The following MVB12B variants were observed in gnomAD, a reference collection of about 807,000 sequenced individuals.
MVB12B encodes multivesicular body subunit 12B, also known as ESCRT-I complex subunit MVB12B.
In MVB12B, 16 loss-of-function variants were observed where a neutral mutation model predicts 41.6. That is an observed-to-expected ratio of 0.38 (90% CI 0.26 to 0.58). MVB12B has a LOEUF of 0.58. Among genes scored for constraint, MVB12B ranks in the 20% least tolerant of loss-of-function variants. The pLI, the probability that MVB12B is intolerant of heterozygous loss-of-function variation, is 0.62. For synonymous variants in MVB12B, 133 were observed against 139.7 expected, an observed-to-expected ratio of 0.95 and a Z score of 0.34; for missense variants, 274 against 380.2, an observed-to-expected ratio of 0.72 and a Z score of 2.32.
intron 6 of MVB12B, among the ~76,000 whole-genome samples, chr9:126,417,431 T>C (rs988084215): frequency 6.6e-6 from 1 of 152,176 alleles, no homozygotes; most frequent in Non-Finnish European, 1.5e-5. Flanking sequence ...GCTGCTGATT[T>C]CTTCTTACCC....
chr9:126,454,708 C>G (rs888837146), intron 7 of MVB12B, among the ~76,000 whole-genome samples: 15 of 152,122 alleles, frequency 9.9e-5, no homozygotes, highest in Admixed American at 1.3e-4. Context: ...TTTCATTTTA[C>G]TTTTGTTAAG....
At chr9:126,356,661 C>T (rs996600861) in intron 2 of MVB12B, among the ~76,000 whole-genome samples, 1 of 151,966 alleles carries the variant, frequency 6.6e-6, no homozygotes, top group African/African-American at 2.4e-5. Context: ...AATGTAATCC[C>T]CCGTGGTAGA....
At chr9:126,435,683 T>C (rs539450111) in intron 7 of MVB12B, among the ~76,000 whole-genome samples, 2 of 151,554 alleles carry the variant, frequency 1.3e-5, no homozygotes, top group Non-Finnish European at 2.9e-5. Context: ...AAAGTTTCTT[T>C]CCTTGCTCCA....
intron 5 of MVB12B, among the ~76,000 whole-genome samples, chr9:126,394,658 G>A (rs1173011198): frequency 6.6e-6 from 1 of 152,178 alleles, no homozygotes; most frequent in East Asian, 1.9e-4. Flanking sequence ...GCAGCTGGAG[G>A]CCACGGCCCA....
intron 7 of MVB12B, among the ~76,000 whole-genome samples, chr9:126,424,541 A>G (rs1588162018): frequency 6.6e-6 from 1 of 151,890 alleles, no homozygotes; most frequent in African/African-American, 2.4e-5. Flanking sequence ...TGGGACCACC[A>G]CCTCCTACCA....
chr9:126,391,580 C>T lies in MVB12B; in HGVS notation c.410-486C>T, dbSNP rs537927219. ...GATTCATTTTAAATATCCAGCAAAACTGCAGGGGTGGGAGGAGAGGAAACC... is the reference window on the plus strand; with the variant it reads ...GATTCATTTTAAATATCCAGCAAAATTGCAGGGGTGGGAGGAGAGGAAACC... On this transcript the variant is annotated intron_variant, in intron 4 of 9. Transcript: ENST00000361171. The surrounding 1 kb of genome is among the most constrained non-coding windows in gnomAD (Gnocchi z 4.4). 2.0e-5 allele frequency among the ~76,000 whole-genome samples: 3 copies of T among 152,294 alleles called. No individual in the cohort carries two copies. Among genetic ancestry groups the T allele is most frequent in the Admixed American group, 1.3e-4 (2 of 15,298 alleles).
At position 126,403,950 on chromosome 9, in the gene MVB12B, C is replaced by CTTTTTT. The variant is rs36030597; in HGVS notation, c.662+8271_662+8276dup. 3.0e-4 allele frequency among the ~76,000 whole-genome samples: 31 copies of CTTTTTT among 104,750 alleles called. 1 individual carries two copies. The highest frequency in any genetic ancestry group is 7.0e-4 in the East Asian group (2 of 2,850). The allele number at this position is 104,750 out of a possible 152,430, so 68.7% of individuals were successfully genotyped here. A position where few individuals can be genotyped will look rare whatever the true frequency, so the allele number is the denominator to read the frequency against. Reference sequence around the variant, plus strand: ...GGCTTTACAAATAACTCCTTTAAATCTTTTTTTTTTTTTTTTTTTTTTTGA... The same window carrying CTTTTTT: ...GGCTTTACAAATAACTCCTTTAAATCTTTTTTTTTTTTTTTTTTTTTTTTTTTTTGA... On this transcript the variant is annotated intron_variant, in intron 6 of 9. Transcript: ENST00000361171.
At position 126,395,639 on chromosome 9, in the gene MVB12B, C is replaced by A; in HGVS notation, c.604C>A (p.Gln202Lys). ...AGTACCAAGAAATCATGACTCATCT[C>A]AACCCACAACGCCTTCCCAGTCATC... ...GRVPRNHDSS[Q>K]PTTPSQSSAA... Residue 202 changes from glutamine (Q) to lysine (K), a missense_variant, in exon 6 of 10, where the codon CAA becomes AAA. By Grantham distance (53) the Gln-to-Lys change is moderately conservative. Transcript: ENST00000361171. This position sits in a 1 kb window ranked among gnomAD's most constrained non-coding sequence, Gnocchi z 4.9. 6.2e-7 allele frequency: 1 copy of A among 1,614,156 alleles called. No individual in the cohort carries two copies. The highest frequency in any genetic ancestry group is 8.5e-7 in the Non-Finnish European group (1 of 1,180,036).
rs1248908297 is a variant in MVB12B at position 126,386,396 on chromosome 9, C to T, written c.313-166C>T. 6.6e-6 allele frequency among the ~76,000 whole-genome samples: 1 copy of T among 152,170 alleles called. No homozygotes were observed. Among genetic ancestry groups the T allele is most frequent in the Non-Finnish European group, 1.5e-5 (1 of 68,034 alleles). ...ACTCCTTCCCAGGGGCCACACGAGT[C>T]CCTGCATAACCACTGGGGACCATTA... On this transcript the variant is annotated intron_variant, in intron 3 of 9. Coordinates refer to ENST00000361171, the MANE Select transcript of MVB12B (RefSeq NM_033446.3). The surrounding 1 kb of genome is among the most constrained non-coding windows in gnomAD (Gnocchi z 4.3).
chr9:126,404,246 C>T (rs573726568), intron 6 of MVB12B, among the ~76,000 whole-genome samples: 3 of 152,296 alleles, frequency 2.0e-5, no homozygotes, highest in Admixed American at 1.3e-4. Flanking sequence ...TGAGCCACCA[C>T]ACCCGGCCAA....
At chr9:126,360,049 TA>T (rs1261900614) in intron 2 of MVB12B, among the ~76,000 whole-genome samples, 2 of 152,206 alleles carry the variant, frequency 1.3e-5, no homozygotes, top group Non-Finnish European at 2.9e-5. Flanking sequence ...TTTTCTAACA[TA>T]AGCATTTAAT....
At position 126,499,577 on chromosome 9, in the gene MVB12B, C is replaced by T. The variant is rs1833908033; in HGVS notation, c.874-3600C>T. 2.6e-5 allele frequency among the ~76,000 whole-genome samples: 4 copies of T among 152,160 alleles called. 1 individual carries two copies. In the South Asian group the frequency reaches 8.3e-4, roughly 31 times the overall value. On this transcript the variant is annotated intron_variant, in intron 9 of 9. Coordinates refer to ENST00000361171, the MANE Select transcript of MVB12B (RefSeq NM_033446.3). The stretch of plus-strand genomic sequence containing the variant: ...TTGCCCAAGGGAGTGAAAGGGCTTC[C>T]AGAAGCGGCCCCGTCTCCTGGGTAA...
rs201533582 is a variant in MVB12B at position 126,364,744 on chromosome 9, TTTTGTTTG to T, written c.205-16308_205-16301del. On this transcript the variant is annotated intron_variant, in intron 2 of 9. Coordinates refer to ENST00000361171, the MANE Select transcript of MVB12B (RefSeq NM_033446.3). ...TAGAAAAACTCCTCCCTTCTTGTTC[TTTTGTTTG>T]TTTGTTTGTTTTGTTTTGAGATGGA... Among the ~76,000 whole-genome samples, 34 of 152,278 alleles carry T rather than the reference TTTTGTTTG, an allele frequency of 2.2e-4. No individual in the cohort carries two copies. The East Asian group carries it at 5.4e-3, about 24-fold the overall frequency.
At chr9:126,334,534 T>C (rs577197506) in intron 1 of MVB12B, among the ~76,000 whole-genome samples, 1 of 152,370 alleles carries the variant, frequency 6.6e-6, no homozygotes, top group South Asian at 2.1e-4. Flanking sequence ...CTTTACTGTA[T>C]GAGCACCGTG....
chr9:126,481,347 CT>C lies in MVB12B; in HGVS notation c.758-13del, dbSNP rs755046090. On this transcript the variant is annotated intron_variant, in intron 7 of 9. Coordinates refer to ENST00000361171, the MANE Select transcript of MVB12B (RefSeq NM_033446.3). ...CCATCTTCAATACCTTTAATGCCAT[CT>C]TTTTTTTTCTTCTTTTGCAGCAATG... The C allele has an allele frequency of 3.3e-5, 52 of 1,585,874 alleles. No individual in the cohort carries two copies. The highest frequency in any genetic ancestry group is 3.5e-5 in the Non-Finnish European group (41 of 1,157,466).
rs761624216 is a variant in MVB12B, at chr9:126,430,637, GTTCACTCCA to G, written c.757+8697_757+8705del. The stretch of plus-strand genomic sequence containing the variant: ...CAAAGGCAAAGACAAGAGCAAGATT[GTTCACTCCA>G]TTCACTCAACAGTCACCGAGAGCTG... On this transcript the variant is annotated intron_variant, in intron 7 of 9. Transcript: ENST00000361171. 2.9e-3 allele frequency among the ~76,000 whole-genome samples: 434 copies of G among 150,268 alleles called. 3 individuals are homozygous for G. Among genetic ancestry groups the G allele is most frequent in the Non-Finnish European group, 5.0e-3 (337 of 67,740 alleles).
intron 7 of MVB12B, among the ~76,000 whole-genome samples, chr9:126,463,414 G>A (rs1441392547): frequency 6.6e-6 from 1 of 152,132 alleles, no homozygotes; most frequent in Non-Finnish European, 1.5e-5. Flanking sequence ...AGAAATACAA[G>A]GCATAGAAAT....
intron 7 of MVB12B, among the ~76,000 whole-genome samples, chr9:126,453,406 C>A (rs1832919159): frequency 6.6e-6 from 1 of 152,156 alleles, no homozygotes; most frequent in Non-Finnish European, 1.5e-5. Context: ...TCCCAGAGCT[C>A]AGGAGTGTTG....
intron 7 of MVB12B, among the ~76,000 whole-genome samples, chr9:126,449,967 G>A (rs897725215): frequency 4.1e-4 from 62 of 152,132 alleles, no homozygotes; most frequent in Non-Finnish European, 8.5e-4. Context: ...TGCCTCCTAC[G>A]GAATTCCGTA....
Sources: gnomAD v4.1 joint callset for allele counts (sites outside exome capture counted in the v4.1 genomes callset) on GRCh38, gnomAD v4.1.1 for gene constraint, Gnocchi (gnomAD v3.1) non-coding constraint, MANE v1.5 for transcripts, NCBI Gene and HGNC (gene_info 2026-07-23, HGNC 2026-07-21) for gene names.